AKAP6: variants seen among roughly 807,000 people sequenced by gnomAD.
AKAP6 encodes A-kinase anchor protein 6.
Under a neutral mutation model 188.5 loss-of-function variants are expected in AKAP6, and 58 were observed. The observed-to-expected ratio is 0.31, with a 90% CI of 0.25 to 0.38. The LOEUF (loss-of-function observed/expected upper bound fraction) is 0.38. AKAP6 is among the 10% of genes least tolerant of loss of function. The pLI is 1.00. For synonymous variants in AKAP6, 989 were observed against 998.6 expected, an observed-to-expected ratio of 0.99 and a Z score of 0.18; for missense variants, 2,710 against 2,740.0, an observed-to-expected ratio of 0.99 and a Z score of 0.24.
intron 2 of AKAP6, among the ~76,000 whole-genome samples, chr14:32,448,338 C>G (rs1486142395): frequency 6.6e-6 from 1 of 152,198 alleles, no homozygotes; most frequent in African/African-American, 2.4e-5. Context: ...CCAATCTATT[C>G]TTTCTGCATC....
intron 7 of AKAP6, among the ~76,000 whole-genome samples, chr14:32,612,116 G>A (rs1417651061): frequency 6.6e-6 from 1 of 152,148 alleles, no homozygotes; most frequent in Non-Finnish European, 1.5e-5. Context: ...CCAGTCCTGT[G>A]TGATCACTGT....
Position 32,735,838 on chromosome 14 carries a change from A to G in AKAP6, c.3328A>G (p.Lys1110Glu). The G allele has an allele frequency of 6.2e-7, 1 of 1,613,300 alleles. No individual in the cohort carries two copies. The highest frequency in any genetic ancestry group is 8.5e-7 in the Non-Finnish European group (1 of 1,179,570). The change falls in exon 11 of 14, where the codon AAG becomes GAG. Residue 1110 changes from lysine (K) to glutamate (E), a missense_variant. Transcript: ENST00000280979. ...CTTCAATTCCTGTCTGAGACAAGAA[A>G]AGGAAGGAACAATGAATACTGAGAA... Reference protein sequence around the residue: ...FIFNSCLRQEKEGTMNTEKQL... With the variant: ...FIFNSCLRQEEEGTMNTEKQL...
intron 8 of AKAP6, among the ~76,000 whole-genome samples, chr14:32,682,959 G>C (rs1472651842): frequency 6.8e-6 from 1 of 147,998 alleles, no homozygotes; most frequent in African/African-American, 2.5e-5. Flanking sequence ...TGTTTAACAA[G>C]CATCCCAGGT....
At chr14:32,475,770 T>C (rs1203964112) in intron 2 of AKAP6, among the ~76,000 whole-genome samples, 1 of 150,474 alleles carries the variant, frequency 6.6e-6, no homozygotes, top group South Asian at 2.1e-4. Flanking sequence ...CTCCGTCTCC[T>C]GGGTTCATGC....
chr14:32,545,852 C>T lies in AKAP6; in HGVS notation c.1199C>T (p.Thr400Ile). 8.7e-6 allele frequency: 14 copies of T among 1,614,170 alleles called. No individual in the cohort carries two copies. Among genetic ancestry groups the T allele is most frequent in the Non-Finnish European group, 1.2e-5 (14 of 1,180,016 alleles). Residue 400 changes from threonine to isoleucine, a missense_variant, in exon 4 of 14, where the codon ACT becomes ATT. By Grantham distance (89) the Thr-to-Ile change is moderately conservative (BLOSUM62 -1). This residue lies in a region of AKAP6 where 2,473 missense variants were observed against 2,426.1 expected (regional missense o/e 1.02). Transcript: ENST00000280979. ...AGAGGACTTTTTCTTAAAGAGGAAA[C>T]TTTTAAGAATGATCTGAAAGGCAAT... ...PKRGLFLKEE[T>I]FKNDLKGNGG...
At chr14:32,402,089 C>T (rs1332043467) in intron 1 of AKAP6, 1 of 152,180 alleles carries the variant, frequency 6.6e-6, no homozygotes, top group African/African-American at 2.4e-5. Context: ...GATACAAAGC[C>T]ACCTTGGAAT....
chr14:32,566,464 C>T (rs555146244), intron 4 of AKAP6, among the ~76,000 whole-genome samples: 43 of 152,094 alleles, frequency 2.8e-4, no homozygotes, highest in Non-Finnish European at 5.7e-4. Flanking sequence ...GTTCAAGAAC[C>T]ATGAGTCTGC....
chr14:32,456,361 A>G (rs985905272), intron 2 of AKAP6, among the ~76,000 whole-genome samples: 1 of 152,200 alleles, frequency 6.6e-6, no homozygotes, highest in Non-Finnish European at 1.5e-5. Flanking sequence ...GGCCACAGAA[A>G]TATAGTTTAA....
intron 9 of AKAP6, among the ~76,000 whole-genome samples, chr14:32,721,135 A>G (rs1665408043): frequency 6.6e-6 from 1 of 152,236 alleles, no homozygotes; most frequent in African/African-American, 2.4e-5. Flanking sequence ...ATGGTGCATC[A>G]TAATGAAACC....
chr14:32,616,092 A>T (rs889561021), intron 7 of AKAP6, among the ~76,000 whole-genome samples: 1 of 152,192 alleles, frequency 6.6e-6, no homozygotes, highest in Non-Finnish European at 1.5e-5. Flanking sequence ...TATTAAAAAG[A>T]CAAAAAATAA....
rs553629094 is a variant in AKAP6, at chr14:32,837,531, C to G, written c.*7726C>G. ...AATTAGTTTGGTTCCGTTAGTTGATCAAGTTACTTACACTAAGTCAGCAAT... is the reference window on the plus strand; with the variant it reads ...AATTAGTTTGGTTCCGTTAGTTGATGAAGTTACTTACACTAAGTCAGCAAT... On this transcript the variant is annotated 3_prime_UTR_variant, in exon 14 of 14. Transcript: ENST00000280979. 1 of 152,286 alleles carries G rather than the reference C, an allele frequency of 6.6e-6. No individual in the cohort carries two copies. The highest frequency in any genetic ancestry group is 1.5e-5 in the Non-Finnish European group (1 of 68,028). 9.4% of individuals were successfully genotyped at this position (152,286 alleles called of 1,614,324 possible).
chr14:32,682,732 C>T (rs1889732076), intron 8 of AKAP6, among the ~76,000 whole-genome samples: 2 of 152,018 alleles, frequency 1.3e-5, no homozygotes, highest in Admixed American at 1.3e-4. Context: ...CCTGCCCGAC[C>T]CTACTGAAAA....
chr14:32,812,151 T>C (rs1229257807), intron 12 of AKAP6, among the ~76,000 whole-genome samples: 3 of 152,164 alleles, frequency 2.0e-5, no homozygotes, highest in African/African-American at 7.2e-5. Context: ...GGGCCAGATA[T>C]TATCATTGGG....
intron 7 of AKAP6, among the ~76,000 whole-genome samples, chr14:32,626,771 C>T (rs1887042073): frequency 1.3e-5 from 2 of 152,210 alleles, no homozygotes; most frequent in Admixed American, 1.3e-4. Context: ...TTTGATGCAT[C>T]CCCTCAGCAC....
chr14:32,761,926 C>G (rs1234528468), intron 11 of AKAP6, among the ~76,000 whole-genome samples: 3 of 151,844 alleles, frequency 2.0e-5, no homozygotes, highest in Non-Finnish European at 4.4e-5. Context: ...TCATCCATTC[C>G]CCAGAATTAC....
At chr14:32,668,433 A>T (rs909980084) in intron 7 of AKAP6, among the ~76,000 whole-genome samples, 1 of 152,090 alleles carries the variant, frequency 6.6e-6, no homozygotes, top group African/African-American at 2.4e-5. Context: ...GTTTTTCTTT[A>T]TGCACAAAAA....
chr14:32,551,958 G>A (rs1012745372), intron 4 of AKAP6, among the ~76,000 whole-genome samples: 13 of 152,134 alleles, frequency 8.5e-5, no homozygotes, highest in African/African-American at 2.6e-4. Context: ...GAGCCACCAC[G>A]CCCGGCCTAC....
At chr14:32,688,021 C>A (rs1388759960) in intron 8 of AKAP6, among the ~76,000 whole-genome samples, 2 of 151,910 alleles carry the variant, frequency 1.3e-5, no homozygotes, top group Non-Finnish European at 2.9e-5. Context: ...CAAGAGCCAA[C>A]AAAAGGCAAA....
chr14:32,409,899 C>T (rs1034384692), intron 1 of AKAP6, among the ~76,000 whole-genome samples: 1 of 151,884 alleles, frequency 6.6e-6, no homozygotes, highest in African/African-American at 2.4e-5. Flanking sequence ...CTTATTTTGC[C>T]CAAATCCTAC....
Sources: gnomAD v4.1 joint callset for allele counts (sites outside exome capture counted in the v4.1 genomes callset) on GRCh38, gnomAD v4.1.1 for gene constraint, gnomAD v4.1.1 regional missense constraint, MANE v1.5 for transcripts, NCBI Gene and HGNC (gene_info 2026-07-23, HGNC 2026-07-21) for gene names.